WRN: variants seen among roughly 807,000 people sequenced by gnomAD.
WRN encodes WRN RecQ like helicase, also known as bifunctional 3'-5' exonuclease/ATP-dependent helicase WRN.
Under a neutral mutation model 180.7 loss-of-function variants are expected in WRN, and 149 were observed. That is an observed-to-expected ratio of 0.82 (90% CI 0.72 to 0.94). The LOEUF is 0.94. Ranked by LOEUF, WRN falls within the 40% of genes least tolerant of loss-of-function variation. The pLI, the probability that WRN is intolerant of heterozygous loss-of-function variation, is 0.00. For synonymous variants in WRN, 548 were observed against 568.9 expected (o/e 0.96, Z 0.52); for missense variants, 1,661 against 1,700.1 (o/e 0.98, Z 0.40).
chr8:31,154,341 T>C (rs1803281771), intron 31 of WRN, among the ~76,000 whole-genome samples: 1 of 152,120 alleles, frequency 6.6e-6, no homozygotes, highest in South Asian at 2.1e-4. Context: ...GTTCACATTA[T>C]AGTTCCTTTT....
At chr8:31,085,407 A>G (rs769425994) in intron 11 of WRN, among the ~76,000 whole-genome samples, 161 bp downstream of exon 11, 2 of 151,954 alleles carry the variant, frequency 1.3e-5, no homozygotes, top group Non-Finnish European at 2.9e-5. Context: ...TCTTTTATGT[A>G]GTCTATGAAT....
At chr8:31,107,640 CTCG>C (rs1366727155) in intron 18 of WRN, among the ~76,000 whole-genome samples, 7 of 152,148 alleles carry the variant, frequency 4.6e-5, no homozygotes, top group Non-Finnish European at 1.5e-5. Flanking sequence ...TGCTTTTCTT[CTCG>C]TTCTGATTCC....
chr8:31,111,933 T>G (rs1042637332), intron 19 of WRN, 134 bp downstream of exon 19: 171 of 1,130,078 alleles, frequency 1.5e-4, no homozygotes, highest in Non-Finnish European at 2.1e-5. Context: ...TAGTTTTGGT[T>G]CAAGTCAAGC....
At chr8:31,062,821 G>A (rs941802172) in intron 3 of WRN, among the ~76,000 whole-genome samples, 1 of 151,958 alleles carries the variant, frequency 6.6e-6, no homozygotes, top group Non-Finnish European at 1.5e-5. Flanking sequence ...ACTTCTATGA[G>A]TTTTGTGCAT....
At chr8:31,063,815 C>T (rs991372992) in intron 3 of WRN, among the ~76,000 whole-genome samples, 4 of 152,216 alleles carry the variant, frequency 2.6e-5, no homozygotes, top group Non-Finnish European at 4.4e-5. Context: ...CCTCGAACTC[C>T]TGGACTCAAG....
chr8:31,098,865 T>C (rs1287467344), intron 17 of WRN, among the ~76,000 whole-genome samples: 1 of 152,196 alleles, frequency 6.6e-6, no homozygotes, highest in Non-Finnish European at 1.5e-5. Context: ...TTGTCAAACC[T>C]GTAACTAAAG....
chr8:31,166,979 C>A (rs1394946488), intron 33 of WRN, 43 bp from the exon 34 acceptor site: 5 of 1,544,806 alleles, frequency 3.2e-6, no homozygotes, highest in Admixed American at 1.7e-5. Flanking sequence ...CTAAAATATT[C>A]TCTGTAATTT....
chr8:31,040,338 C>T (rs1811602475), intron 1 of WRN, among the ~76,000 whole-genome samples: 1 of 152,120 alleles, frequency 6.6e-6, no homozygotes, highest in Non-Finnish European at 1.5e-5. Context: ...CTTTGGAAGT[C>T]ATTAGTGTAT....
intron 2 of WRN, 30 bp from the exon 3 acceptor site, chr8:31,059,123 G>C: frequency 6.7e-7 from 1 of 1,496,448 alleles, no homozygotes; most frequent in South Asian, 1.1e-5. Flanking sequence ...TGTGAACTTT[G>C]TGCCTGTTTT....
chr8:31,120,450 C>G, intron 21 of WRN, 26 bp downstream of exon 21: 1 of 1,595,490 alleles, frequency 6.3e-7, no homozygotes. Flanking sequence ...TGTTTTTACT[C>G]TTGCAGATTT....
At chr8:31,066,314 T>C (rs1173362046) in intron 5 of WRN, among the ~76,000 whole-genome samples, 1 of 152,042 alleles carries the variant, frequency 6.6e-6, no homozygotes, top group Admixed American at 6.6e-5. Flanking sequence ...GCCTCCCGAG[T>C]AGCTGGCACT....
intron 21 of WRN, 130 bp downstream of exon 21, chr8:31,120,554 A>AG (rs1801687303): frequency 3.1e-6 from 3 of 974,132 alleles, no homozygotes; most frequent in Non-Finnish European, 4.4e-6. Flanking sequence ...AAAAAAAAAA[A>AG]AAGAAAAATA....
chr8:31,095,871 T>C (rs551510473), intron 16 of WRN, among the ~76,000 whole-genome samples: 2 of 152,320 alleles, frequency 1.3e-5, no homozygotes, highest in South Asian at 4.1e-4. Context: ...TCCTTTGTAT[T>C]TCTGTGAGCA....
Position 31,132,402 on chromosome 8 carries a change from A to C in WRN, c.2863A>C (p.Thr955Pro), listed in dbSNP as rs1323462154. 6.2e-7 allele frequency: 1 copy of C among 1,614,124 alleles called. No individual in the cohort carries two copies. The highest frequency in any genetic ancestry group is 2.2e-5 in the East Asian group (1 of 44,862). The change falls in exon 24 of 35, where the codon ACA (threonine) becomes CCA (proline). Residue 955 changes from threonine to proline, a missense_variant. Thr to Pro is a conservative substitution (Grantham distance 38). Transcript: ENST00000298139. ...CTATTCCATGGATGACTCAGAGGAT[A>C]CATCCTGGGACTTTGGTCCACAAGC... ...HCYSMDDSED[T>P]SWDFGPQAFK...
At position 31,120,279 on chromosome 8, in the gene WRN, A is replaced by C; in HGVS notation, c.2485A>C (p.Asn829His). ...TACCATAGCTTTTGGAATGGGCATT[A>C]ATAAAGCTGACATTCGCCAAGTCAT... ...IATIAFGMGINKADIRQVIHY... is the reference protein window; with the variant it reads ...IATIAFGMGIHKADIRQVIHY... Residue 829 changes from asparagine to histidine, a missense_variant, in exon 21 of 35, where the codon AAT (asparagine) becomes CAT (histidine). Transcript: ENST00000298139. 6.2e-7 allele frequency: 1 copy of C among 1,613,008 alleles called. No individual in the cohort carries two copies.
intron 27 of WRN, among the ~76,000 whole-genome samples, chr8:31,143,097 A>T (rs1802723807): frequency 6.6e-6 from 1 of 151,730 alleles, no homozygotes; most frequent in Non-Finnish European, 1.5e-5. Context: ...ATGCACACAC[A>T]CTTATGTACT....
chr8:31,100,082 T>G (rs1814160127), intron 17 of WRN, among the ~76,000 whole-genome samples: 1 of 152,224 alleles, frequency 6.6e-6, no homozygotes, highest in African/African-American at 2.4e-5. Context: ...GAAAAAATTA[T>G]TCTTAAGTAT....
intron 1 of WRN, among the ~76,000 whole-genome samples, chr8:31,038,295 G>A (rs1027873039): frequency 1.3e-5 from 2 of 152,086 alleles, no homozygotes; most frequent in African/African-American, 4.8e-5. Context: ...GTATCTTACT[G>A]TGGTTTTATT....
chr8:31,056,260 A>G (rs1209177061), intron 1 of WRN, among the ~76,000 whole-genome samples: 1 of 152,146 alleles, frequency 6.6e-6, no homozygotes, highest in Non-Finnish European at 1.5e-5. Flanking sequence ...AATGAGGTCT[A>G]CTCTAAGTAT....
Sources: gnomAD v4.1 joint callset for allele counts (sites outside exome capture counted in the v4.1 genomes callset) on GRCh38, gnomAD v4.1.1 for gene constraint, MANE v1.5 for transcripts, NCBI Gene and HGNC (gene_info 2026-07-23, HGNC 2026-07-21) for gene names.